Variants in MYO5B observed in about 807,000 individuals in gnomAD.
MYO5B encodes unconventional myosin-Vb.
Under a neutral mutation model 229.3 loss-of-function variants are expected in MYO5B, and 143 were observed. The observed-to-expected ratio is 0.62, with a 90% CI of 0.54 to 0.72. MYO5B has a LOEUF of 0.72. Ranked by LOEUF, MYO5B falls within the 30% of genes least tolerant of loss-of-function variation. The pLI is 0.00. For missense variants in MYO5B, 2,321 were observed against 2,331.0 expected, an observed-to-expected ratio of 1.00 and a Z score of 0.09; for synonymous variants, 918 against 885.2, an observed-to-expected ratio of 1.04 and a Z score of -0.66.
intron 1 of MYO5B, among the ~76,000 whole-genome samples, chr18:50,136,797 C>T (rs2032343534): frequency 6.6e-6 from 1 of 152,122 alleles, no homozygotes; most frequent in Non-Finnish European, 1.5e-5. Context: ...AGAATTATAG[C>T]AAAGATGAAA....
At chr18:49,996,815 T>C (rs752119905) in intron 5 of MYO5B, among the ~76,000 whole-genome samples, 12 of 152,154 alleles carry the variant, frequency 7.9e-5, no homozygotes, top group Non-Finnish European at 1.6e-4. Context: ...ATTCTATAAA[T>C]ATAGTGTGGA....
chr18:49,921,358 G>T (rs1880812056), intron 17 of MYO5B, among the ~76,000 whole-genome samples: 1 of 151,134 alleles, frequency 6.6e-6, no homozygotes, highest in Non-Finnish European at 1.5e-5. Flanking sequence ...AATTTCTCCA[G>T]GACACAAAGC....
chr18:49,951,843 C>T (rs905684110), intron 14 of MYO5B, among the ~76,000 whole-genome samples: 11 of 152,298 alleles, frequency 7.2e-5, no homozygotes, highest in South Asian at 2.1e-4. Flanking sequence ...ACACTTCCAT[C>T]TACTCTCTTT....
At chr18:50,011,296 C>T (rs905030214) in intron 4 of MYO5B, among the ~76,000 whole-genome samples, 1 of 152,126 alleles carries the variant, frequency 6.6e-6, no homozygotes, top group Non-Finnish European at 1.5e-5. Context: ...GAGCCAAGAT[C>T]GTGCCACTGC....
At chr18:50,145,497 C>CAAAAAAAAAAAAAAAA (rs369507800) in intron 1 of MYO5B, among the ~76,000 whole-genome samples, 14 of 70,008 alleles carry the variant, frequency 2.0e-4, no homozygotes, top group African/African-American at 5.8e-4. Flanking sequence ...GACTCCATCT[C>CAAAAAAAAAAAAAAAA]AAAAAAAAAA....
Position 50,192,990 on chromosome 18 carries a change from T to C in MYO5B, c.27+1777A>G, listed in dbSNP as rs1035881626. Among the ~76,000 whole-genome samples, 14 of 152,212 alleles carry C rather than the reference T, an allele frequency of 9.2e-5. 1 individual carries two copies. The highest frequency in any genetic ancestry group is 3.4e-4 in the African/African-American group (14 of 41,450). On this transcript the variant is annotated intron_variant, in intron 1 of 39. Coordinates refer to ENST00000285039, the MANE Select transcript of MYO5B (RefSeq NM_001080467.3). Reference sequence around the variant, plus strand: ...CCTGACAAAGGACTTTGACACATTGTAGGTATATTCAGTTGAGTCACTCCT... The same window carrying C: ...CCTGACAAAGGACTTTGACACATTGCAGGTATATTCAGTTGAGTCACTCCT...
chr18:49,933,768 G>T (rs1013683442), intron 16 of MYO5B, among the ~76,000 whole-genome samples: 1 of 152,188 alleles, frequency 6.6e-6, no homozygotes, highest in African/African-American at 2.4e-5. Flanking sequence ...CAGGAAATGG[G>T]TGGAGAGACA....
At chr18:50,110,416 G>C (rs182657256) in intron 1 of MYO5B, among the ~76,000 whole-genome samples, 1 of 152,238 alleles carries the variant, frequency 6.6e-6, no homozygotes, top group African/African-American at 2.4e-5. Context: ...GGCACTCAAG[G>C]ATTTGGAAGA....
intron 32 of MYO5B, among the ~76,000 whole-genome samples, chr18:49,848,943 T>C (rs923376743): frequency 6.6e-6 from 1 of 151,716 alleles, no homozygotes; most frequent in African/African-American, 2.4e-5. Context: ...GTCAGGACTG[T>C]CTAAGACGAG....
intron 15 of MYO5B, among the ~76,000 whole-genome samples, chr18:49,936,727 T>C (rs1787597): frequency 0.72 from 109,236 of 152,014 alleles, 39,721 homozygotes; most frequent in Middle Eastern, 0.84. Context: ...ATCCGATGCC[T>C]GGGTATCCTG....
At chr18:49,861,039 G>A (rs1209224076) in intron 29 of MYO5B, among the ~76,000 whole-genome samples, 2 of 152,206 alleles carry the variant, frequency 1.3e-5, no homozygotes, top group African/African-American at 2.4e-5. Flanking sequence ...GACTGGGAGA[G>A]AGGCAGGCCC....
chr18:49,859,403 C>T (rs143921464), intron 29 of MYO5B, among the ~76,000 whole-genome samples: 3 of 152,342 alleles, frequency 2.0e-5, no homozygotes, highest in African/African-American at 4.8e-5. Flanking sequence ...CAGTTAAGAA[C>T]CTGCCTTCCT....
At chr18:49,954,162 G>A (rs2025465092) in intron 13 of MYO5B, 151 bp downstream of exon 13, 5 of 1,150,306 alleles carry the variant, frequency 4.3e-6, no homozygotes, top group South Asian at 3.8e-5. Flanking sequence ...AGAAGTAGAG[G>A]GGTGGGTAAA....
intron 4 of MYO5B, among the ~76,000 whole-genome samples, chr18:50,014,077 T>G (rs868452828): frequency 9.9e-5 from 15 of 152,182 alleles, no homozygotes; most frequent in African/African-American, 3.6e-4. Context: ...TTCAAATTCT[T>G]TACTTAAAAA....
chr18:49,953,419 G>T (rs968737887), intron 13 of MYO5B, 76 bp from the exon 14 acceptor site: 13 of 1,319,652 alleles, frequency 9.9e-6, no homozygotes, highest in Non-Finnish European at 1.4e-5. Flanking sequence ...ATCTCATCCA[G>T]GTAGCATTTT....
intron 10 of MYO5B, among the ~76,000 whole-genome samples, chr18:49,965,454 T>TACACACACACACACAC (rs2025612736): frequency 3.4e-5 from 1 of 29,204 alleles, no homozygotes; most frequent in African/African-American, 1.0e-4. Context: ...CACACTTCTT[T>TACACACACACACACAC]TCACACACAC....
At chr18:49,893,068 A>C (rs1448757933) in intron 22 of MYO5B, among the ~76,000 whole-genome samples, 1 of 152,148 alleles carries the variant, frequency 6.6e-6, no homozygotes. Flanking sequence ...AGATTTTCAT[A>C]TTATAAACTC....
intron 4 of MYO5B, among the ~76,000 whole-genome samples, chr18:50,013,533 C>T (rs1183725361): frequency 6.6e-6 from 1 of 152,166 alleles, no homozygotes; most frequent in Non-Finnish European, 1.5e-5. Context: ...TTACAGATTC[C>T]CTCACTAACT....
At chr18:50,109,474 G>A (rs2031825433) in intron 1 of MYO5B, among the ~76,000 whole-genome samples, 1 of 150,582 alleles carries the variant, frequency 6.6e-6, no homozygotes, top group African/African-American at 2.4e-5. Flanking sequence ...CGCCCAGGCT[G>A]GAGTGCAGTG....
Sources: gnomAD v4.1 joint callset for allele counts (sites outside exome capture counted in the v4.1 genomes callset) on GRCh38, gnomAD v4.1.1 for gene constraint, MANE v1.5 for transcripts, NCBI Gene and HGNC (gene_info 2026-07-23, HGNC 2026-07-21) for gene names.